The following CNTNAP2 variants were observed in gnomAD, a reference collection of about 807,000 sequenced individuals.
CNTNAP2 encodes the protein contactin-associated protein-like 2.
Under a neutral mutation model 155.2 loss-of-function variants are expected in CNTNAP2, and 98 were observed. The observed-to-expected ratio is 0.63, with a 90% confidence interval of 0.54 to 0.75. The LOEUF (loss-of-function observed/expected upper bound fraction) is 0.75. Among genes scored for constraint, CNTNAP2 ranks in the 30% least tolerant of loss-of-function variants. The probability of loss-of-function intolerance (pLI) is 0.00; values close to 1 mark genes in which losing one functional copy is unlikely to be tolerated. For synonymous variants in CNTNAP2, 651 were observed against 631.2 expected (o/e 1.03, Z -0.47); for missense variants, 1,727 against 1,688.1 (o/e 1.02, Z -0.40).
intron 8 of CNTNAP2, among the ~76,000 whole-genome samples, chr7:147,299,659 A>G (rs1011107284): frequency 1.3e-5 from 2 of 152,234 alleles, no homozygotes; most frequent in African/African-American, 4.8e-5. Flanking sequence ...AAACAAAGAC[A>G]GACTTTAGAT....
chr7:146,371,000 CT>C (rs1563058478), intron 1 of CNTNAP2, among the ~76,000 whole-genome samples: 1 of 151,920 alleles, frequency 6.6e-6, no homozygotes, highest in Non-Finnish European at 1.5e-5. Context: ...TATATGATAG[CT>C]AAGAATTTTT....
At chr7:147,963,244 T>C (rs1018135190) in intron 14 of CNTNAP2, among the ~76,000 whole-genome samples, 1 of 152,106 alleles carries the variant, frequency 6.6e-6, no homozygotes, top group African/African-American at 2.4e-5. Flanking sequence ...GAATGTGCTA[T>C]AGAGACAAAG....
intron 18 of CNTNAP2, among the ~76,000 whole-genome samples, chr7:148,208,045 C>T (rs1795481736): frequency 6.6e-6 from 1 of 150,976 alleles, no homozygotes; most frequent in African/African-American, 2.4e-5. Context: ...GCCAAGATTA[C>T]GCCACTGCGC....
intron 1 of CNTNAP2, among the ~76,000 whole-genome samples, chr7:146,643,249 A>G (rs1799745159): frequency 6.7e-6 from 1 of 149,910 alleles, no homozygotes; most frequent in Admixed American, 6.6e-5. Context: ...CTATGTCCTG[A>G]ATGGTAATGC....
chr7:146,749,808 G>A (rs919766782), intron 1 of CNTNAP2, among the ~76,000 whole-genome samples: 2 of 152,160 alleles, frequency 1.3e-5, no homozygotes, highest in African/African-American at 4.8e-5. Context: ...AATATTTGGA[G>A]GATCTGTTTA....
At chr7:146,985,720 A>G (rs961505077) in intron 3 of CNTNAP2, among the ~76,000 whole-genome samples, 1 of 152,274 alleles carries the variant, frequency 6.6e-6, no homozygotes, top group Admixed American at 6.5e-5. Flanking sequence ...TTTTTCACAA[A>G]TATTCTCCCT....
intron 15 of CNTNAP2, among the ~76,000 whole-genome samples, chr7:147,999,340 T>G (rs543536791): frequency 6.6e-6 from 1 of 152,304 alleles, no homozygotes; most frequent in East Asian, 1.9e-4. Context: ...CCTCCCAAAG[T>G]GCTAGGATTA....
intron 1 of CNTNAP2, among the ~76,000 whole-genome samples, chr7:146,283,517 G>A (rs1262645104): frequency 6.6e-6 from 1 of 152,128 alleles, no homozygotes; most frequent in Non-Finnish European, 1.5e-5. Context: ...ACAGGTGTGA[G>A]CCACTGTGCC....
chr7:147,720,628 G>A (rs1291857865), intron 13 of CNTNAP2, among the ~76,000 whole-genome samples: 1 of 152,050 alleles, frequency 6.6e-6, no homozygotes, highest in Non-Finnish European at 1.5e-5. Context: ...TTTCCCCCAT[G>A]CTGTTCTCAC....
chr7:146,483,326 T>TAC lies in CNTNAP2; in HGVS notation c.98-290944_98-290943insCA, dbSNP rs796153393. On this transcript the variant is annotated intron_variant, in intron 1 of 23. Transcript: ENST00000361727. ...ATATATATATATATATATATATATA[T>TAC]ATACATATATATATATTTAAGCACA... Among the ~76,000 whole-genome samples, 254 of 79,224 alleles carry TAC rather than the reference T, an allele frequency of 3.2e-3. 4 individuals carry two copies. Among genetic ancestry groups the TAC allele is most frequent in the East Asian group, 6.7e-3 (23 of 3,442 alleles). 52.0% of individuals were successfully genotyped at this position (79,224 alleles called of 152,430 possible). A position where few individuals can be genotyped will look rare whatever the true frequency, so the allele number is the denominator to read the frequency against.
At chr7:146,757,325 A>T (rs907641198) in intron 1 of CNTNAP2, among the ~76,000 whole-genome samples, 1 of 152,136 alleles carries the variant, frequency 6.6e-6, no homozygotes, top group Non-Finnish European at 1.5e-5. Flanking sequence ...GAAAAAGGTA[A>T]AGGGGCAAAA....
chr7:147,156,264 T>C (rs976964678), intron 8 of CNTNAP2, among the ~76,000 whole-genome samples: 3 of 152,170 alleles, frequency 2.0e-5, no homozygotes, highest in Non-Finnish European at 4.4e-5. Flanking sequence ...TAAAACTCTG[T>C]TGAATTGCCA....
At chr7:147,980,196 T>G (rs1220661037) in intron 15 of CNTNAP2, among the ~76,000 whole-genome samples, 1 of 152,180 alleles carries the variant, frequency 6.6e-6, no homozygotes, top group Non-Finnish European at 1.5e-5. Context: ...TTAGGCTTTG[T>G]AATATAAAAT....
At chr7:146,543,399 C>T (rs1797982872) in intron 1 of CNTNAP2, among the ~76,000 whole-genome samples, 1 of 151,774 alleles carries the variant, frequency 6.6e-6, no homozygotes, top group Non-Finnish European at 1.5e-5. Context: ...AGAACATTCC[C>T]TCATTCCCCT....
At chr7:146,736,843 CATT>C (rs1054121005) in intron 1 of CNTNAP2, among the ~76,000 whole-genome samples, 2 of 152,020 alleles carry the variant, frequency 1.3e-5, no homozygotes, top group African/African-American at 4.8e-5. Context: ...AAAAAAGTAA[CATT>C]GTTGAGTTTT....
At chr7:146,555,264 A>G (rs1372363692) in intron 1 of CNTNAP2, among the ~76,000 whole-genome samples, 1 of 152,122 alleles carries the variant, frequency 6.6e-6, no homozygotes, top group Admixed American at 6.6e-5. Context: ...TTCCCACACC[A>G]TCTCACCCCT....
At position 147,688,026 on chromosome 7, in the gene CNTNAP2, C is replaced by T. The variant is rs1213534561; in HGVS notation, c.2098+48720C>T. 5.3e-5 allele frequency among the ~76,000 whole-genome samples: 8 copies of T among 152,100 alleles called. No individual in the cohort carries two copies. The East Asian group carries it at 1.2e-3, about 22-fold the overall frequency. On this transcript the variant is annotated intron_variant, in intron 13 of 23. Coordinates refer to ENST00000361727, the MANE Select transcript of CNTNAP2 (RefSeq NM_014141.6). ...ATGCTCTGCATATAATCCCTGCTGA[C>T]GGAATCTATGCTTCATTGATGGATG...
At chr7:147,090,283 T>C (rs1800373556) in intron 4 of CNTNAP2, among the ~76,000 whole-genome samples, 1 of 151,988 alleles carries the variant, frequency 6.6e-6, no homozygotes, top group African/African-American at 2.4e-5. Context: ...GTGAACCAGA[T>C]CTTGATTTAG....
Position 147,444,579 on chromosome 7 carries a change from T to C in CNTNAP2, c.1671-41356T>C, listed in dbSNP as rs186801574. On this transcript the variant is annotated intron_variant, in intron 10 of 23. Coordinates refer to ENST00000361727, the MANE Select transcript of CNTNAP2 (RefSeq NM_014141.6). ...TCCCCTTAGTCACTAAGAGTGAAAT[T>C]AAAACCACTAAATTTTATTTTTTTA... Among the ~76,000 whole-genome samples the C allele has an allele frequency of 2.0e-5, 3 of 150,980 alleles. No individual in the cohort carries two copies. In the East Asian group the frequency reaches 5.8e-4, roughly 29 times the overall value.
Sources: allele counts gnomAD v4.1 joint callset (sites outside exome capture counted in the v4.1 genomes callset), GRCh38; gene constraint gnomAD v4.1.1; transcripts MANE v1.5; gene names NCBI Gene and HGNC (gene_info 2026-07-23, HGNC 2026-07-21).